Variants in SLC38A12 observed in about 807,000 individuals in gnomAD.
SLC38A12 encodes putative sodium-coupled neutral amino acid transporter 12.
chr17:74,837,300 C>A, the SLC38A12 span: 1 of 985,512 alleles, frequency 1.0e-6, no homozygotes, highest in Non-Finnish European at 1.2e-6. Context: ...GTACCAGAGT[C>A]CCCAGATAGA....
At chr17:74,784,150 G>A in the SLC38A12 span, among the ~76,000 whole-genome samples, 1 of 152,110 alleles carries the variant, frequency 6.6e-6, no homozygotes, top group Non-Finnish European at 1.5e-5. Context: ...ATAGAGAAAA[G>A]TGCATCTTTC....
chr17:74,802,409 C>T, the SLC38A12 span, among the ~76,000 whole-genome samples: 4 of 152,154 alleles, frequency 2.6e-5, no homozygotes, highest in African/African-American at 9.7e-5. Context: ...GCTTCTTCTC[C>T]CTACCACTCC....
chr17:74,830,955 G>A, the SLC38A12 span, among the ~76,000 whole-genome samples: 2 of 152,220 alleles, frequency 1.3e-5, no homozygotes, highest in African/African-American at 4.8e-5. Context: ...GACCTCGCGG[G>A]GCCTCAGTGA....
chr17:74,833,002 C>T, the SLC38A12 span, among the ~76,000 whole-genome samples: 3 of 149,872 alleles, frequency 2.0e-5, no homozygotes, highest in African/African-American at 4.9e-5. Context: ...CTTTTTTAAT[C>T]ACCCATATCC....
At chr17:74,816,530 G>C in the SLC38A12 span, among the ~76,000 whole-genome samples, 3 of 152,218 alleles carry the variant, frequency 2.0e-5, no homozygotes, top group South Asian at 6.2e-4. Flanking sequence ...CAAGGCTGCT[G>C]TGGGGCCCCT....
At chr17:74,834,672 C>T in the SLC38A12 span, among the ~76,000 whole-genome samples, 10 of 152,188 alleles carry the variant, frequency 6.6e-5, no homozygotes, top group Admixed American at 2.6e-4. Flanking sequence ...CAGGAGCCAC[C>T]GAGCTGTGAG....
At chr17:74,832,352 G>C in the SLC38A12 span, among the ~76,000 whole-genome samples, 2 of 152,222 alleles carry the variant, frequency 1.3e-5, no homozygotes, top group African/African-American at 4.8e-5. Flanking sequence ...ACAGATCCCA[G>C]CACCCGCCTT....
chr17:74,838,734 C>T, the SLC38A12 span: 583 of 1,446,236 alleles, frequency 4.0e-4, 1 homozygote, highest in African/African-American at 5.5e-3. Context: ...CTGCCGCTGA[C>T]GGCCAATGGG....
At chr17:74,837,372 TCTA>T in the SLC38A12 span, 1 of 985,488 alleles carries the variant, frequency 1.0e-6, no homozygotes, top group Non-Finnish European at 1.2e-6. Flanking sequence ...GAGCATCCCT[TCTA>T]CAGGGACACA....
chr17:74,837,842 C>T, the SLC38A12 span: 2 of 986,002 alleles, frequency 2.0e-6, no homozygotes. Context: ...TGCTTCAGGA[C>T]CTGGGGGTCC....
At chr17:74,820,628 C>T in the SLC38A12 span, among the ~76,000 whole-genome samples, 37,026 of 152,052 alleles carry the variant, frequency 0.24, 4,909 homozygotes, top group East Asian at 0.42. Context: ...AAGGCTGTTG[C>T]TGTTCTGAGA....
chr17:74,817,175 C>G, the SLC38A12 span, among the ~76,000 whole-genome samples: 2 of 152,188 alleles, frequency 1.3e-5, no homozygotes, highest in African/African-American at 4.8e-5. Context: ...TAATTAGCCC[C>G]AGCTCGCAGT....
chr17:74,839,049 T>C, the SLC38A12 span: 14 of 1,535,480 alleles, frequency 9.1e-6, no homozygotes, highest in South Asian at 2.4e-5. Flanking sequence ...CAGGTCAAGG[T>C]GGGAGTAAAC....
the SLC38A12 span, among the ~76,000 whole-genome samples, chr17:74,813,063 C>T: frequency 1.3e-5 from 2 of 152,200 alleles, no homozygotes; most frequent in Non-Finnish European, 2.9e-5. Context: ...CAGTCCACTG[C>T]CTCAGTAGTG....
At chr17:74,838,118 G>A in the SLC38A12 span, 1 of 985,800 alleles carries the variant, frequency 1.0e-6, no homozygotes, top group Non-Finnish European at 1.2e-6. Flanking sequence ...CCCACGGGCT[G>A]CGCCACCTCT....
chr17:74,837,018 A>C, the SLC38A12 span: 6 of 1,104,916 alleles, frequency 5.4e-6, no homozygotes, highest in East Asian at 6.0e-5. Flanking sequence ...AGGGCGGGCT[A>C]CTCCCTGCAC....
At chr17:74,797,124 C>T in the SLC38A12 span, among the ~76,000 whole-genome samples, 2 of 152,208 alleles carry the variant, frequency 1.3e-5, no homozygotes, top group African/African-American at 4.8e-5. Context: ...CGCCCACCAG[C>T]AAAACGGATA....
At chr17:74,785,740 C>T in the SLC38A12 span, 9 of 1,237,676 alleles carry the variant, frequency 7.3e-6, no homozygotes, top group East Asian at 1.8e-4. Flanking sequence ...TGAGTCCTTG[C>T]CAGGGTATTC....
the SLC38A12 span, among the ~76,000 whole-genome samples, chr17:74,794,274 C>T: frequency 6.6e-6 from 1 of 152,212 alleles, no homozygotes; most frequent in South Asian, 2.1e-4. Flanking sequence ...GGACTAGAGC[C>T]CTGTGTTCCC....
Sources: allele counts gnomAD v4.1 joint callset (sites outside exome capture counted in the v4.1 genomes callset), GRCh38; gene constraint gnomAD v4.1.1; transcripts MANE v1.5; gene names NCBI Gene and HGNC (gene_info 2026-07-23, HGNC 2026-07-21).